TTLL5: variants seen among roughly 807,000 people sequenced by gnomAD.
The protein encoded by TTLL5 is tubulin polyglutamylase TTLL5.
A neutral mutation model predicts 168.4 loss-of-function variants in TTLL5; 132 were observed. The ratio of observed to expected loss-of-function variants is 0.78; its 90% CI spans 0.68 to 0.91. The LOEUF (loss-of-function observed/expected upper bound fraction) is 0.91, where lower values mean the gene tolerates loss of function less well. Among genes scored for constraint, TTLL5 ranks in the 40% least tolerant of loss-of-function variants. TTLL5 has a pLI of 0.00. For synonymous variants in TTLL5, 546 were observed against 558.6 expected (o/e 0.98, Z 0.32); for missense variants, 1,545 against 1,581.5 (o/e 0.98, Z 0.39).
intron 28 of TTLL5, among the ~76,000 whole-genome samples, chr14:75,821,578 T>A (rs1323251902): frequency 6.6e-6 from 1 of 152,178 alleles, no homozygotes; most frequent in East Asian, 1.9e-4. Flanking sequence ...TTTGGAGAAA[T>A]TGAGTTTTAG....
rs191781012 is a variant in TTLL5 at position 75,783,989 on chromosome 14, C to T, written c.2986+459C>T. The stretch of plus-strand genomic sequence containing the variant: ...ATAGACCTATAGTGTCAAGTTTGTC[C>T]TCCATTTTTTAATAACAGCTTTATT... On this transcript the variant is annotated intron_variant, in intron 26 of 31. Coordinates refer to ENST00000298832, the MANE Select transcript of TTLL5 (RefSeq NM_015072.5). Among the ~76,000 whole-genome samples the T allele has an allele frequency of 2.6e-4, 40 of 152,212 alleles. No homozygotes were observed. In the East Asian group the frequency reaches 7.7e-3, roughly 29 times the overall value.
intron 30 of TTLL5, among the ~76,000 whole-genome samples, chr14:75,883,673 T>A (rs143095013): frequency 1.7e-3 from 252 of 152,380 alleles, no homozygotes; most frequent in Middle Eastern, 3.4e-3. Context: ...AATCAAATTC[T>A]GGATTTAGAT....
At chr14:75,900,184 GATTT>G (rs1462274970) in intron 30 of TTLL5, among the ~76,000 whole-genome samples, 22 of 152,148 alleles carry the variant, frequency 1.4e-4, no homozygotes, top group African/African-American at 4.1e-4. Context: ...AATGCGTGAG[GATTT>G]CCGATGTGGC....
At position 75,745,086 on chromosome 14, in the gene TTLL5, TCTC is replaced by T; in HGVS notation, c.1282-6_1282-4del. ...ATTTTTTTTACTATTTTCATTTTCT[TCTC>T]CTTAGCGTTGCCGTCCACTCTCTGC... On this transcript the variant is annotated splice_polypyrimidine_tract_variant and splice_region_variant and intron_variant, in intron 15 of 31. Coordinates refer to ENST00000298832, the MANE Select transcript of TTLL5 (RefSeq NM_015072.5). The T allele has an allele frequency of 1.2e-6, 2 of 1,612,204 alleles. No homozygotes were observed. The highest frequency in any genetic ancestry group is 8.5e-7 in the Non-Finnish European group (1 of 1,179,248).
intron 3 of TTLL5, among the ~76,000 whole-genome samples, chr14:75,673,446 G>A (rs553451810): frequency 6.6e-6 from 1 of 152,300 alleles, no homozygotes; most frequent in South Asian, 2.1e-4. Flanking sequence ...TGGTATGGTG[G>A]AAAGAGTGTA....
At chr14:75,941,606 A>T (rs2034607842) in intron 31 of TTLL5, 1 of 152,162 alleles carries the variant, frequency 6.6e-6, no homozygotes, top group East Asian at 1.9e-4. Context: ...TGTTCATAAC[A>T]TTTGAGGTTT....
chr14:75,874,314 G>A (rs2031283172), intron 29 of TTLL5, among the ~76,000 whole-genome samples: 1 of 152,076 alleles, frequency 6.6e-6, no homozygotes, highest in African/African-American at 2.4e-5. Context: ...GGATGGTCTC[G>A]ATTTCCTGAC....
chr14:75,663,279 C>G (rs1594830542), intron 2 of TTLL5, 56 bp downstream of exon 2: 1 of 1,442,720 alleles, frequency 6.9e-7, no homozygotes, highest in Non-Finnish European at 9.6e-7. Context: ...CACTTATATA[C>G]TCTTATATAC....
At chr14:75,783,045 C>T in intron 25 of TTLL5, 102 bp from the exon 26 acceptor site, 5 of 1,253,556 alleles carry the variant, frequency 4.0e-6, no homozygotes, top group Non-Finnish European at 5.4e-6. Context: ...CTGTTTCATG[C>T]CAAGATTATT....
At chr14:75,867,966 T>C (rs893946704) in intron 29 of TTLL5, among the ~76,000 whole-genome samples, 12 of 152,184 alleles carry the variant, frequency 7.9e-5, no homozygotes, top group Admixed American at 7.9e-4. Context: ...GGGGACTTTC[T>C]TGGGTAACAG....
At chr14:75,790,659 C>G (rs1236243146) in intron 26 of TTLL5, among the ~76,000 whole-genome samples, 1 of 151,590 alleles carries the variant, frequency 6.6e-6, no homozygotes, top group Non-Finnish European at 1.5e-5. Flanking sequence ...GAGAAGAGAT[C>G]TCACTTTGTT....
chr14:75,794,642 G>T (rs549186955), intron 27 of TTLL5, among the ~76,000 whole-genome samples: 1 of 152,098 alleles, frequency 6.6e-6, no homozygotes, highest in Non-Finnish European at 1.5e-5. Flanking sequence ...CAGTGCCAGC[G>T]AATTAAAAGT....
intron 31 of TTLL5, among the ~76,000 whole-genome samples, chr14:75,938,168 T>G (rs1362978083): frequency 6.6e-6 from 1 of 152,232 alleles, no homozygotes; most frequent in Non-Finnish European, 1.5e-5. Flanking sequence ...GACAATACTG[T>G]TAGAATTTTC....
chr14:75,833,152 C>T (rs900852828), intron 28 of TTLL5, among the ~76,000 whole-genome samples: 1 of 152,196 alleles, frequency 6.6e-6, no homozygotes, highest in Non-Finnish European at 1.5e-5. Context: ...TCTCCCTGTG[C>T]TTATTTTTCT....
At chr14:75,817,021 G>T (rs1036187919) in intron 27 of TTLL5, among the ~76,000 whole-genome samples, 7 of 121,436 alleles carry the variant, frequency 5.8e-5, no homozygotes, top group Non-Finnish European at 9.5e-5. Context: ...TCGCTCTGTC[G>T]CCAGGCTGGA....
At chr14:75,819,108 G>C (rs1167185826) in intron 27 of TTLL5, among the ~76,000 whole-genome samples, 1 of 152,116 alleles carries the variant, frequency 6.6e-6, no homozygotes, top group Non-Finnish European at 1.5e-5. Flanking sequence ...TGTGTGCGAC[G>C]TACTCATTTA....
At chr14:75,860,324 A>G (rs1460562233) in intron 28 of TTLL5, among the ~76,000 whole-genome samples, 1 of 152,236 alleles carries the variant, frequency 6.6e-6, no homozygotes, top group African/African-American at 2.4e-5. Flanking sequence ...TTTCTGATAC[A>G]CAAGAAGGCA....
chr14:75,884,460 T>G (rs773707405), intron 30 of TTLL5, among the ~76,000 whole-genome samples: 16 of 152,218 alleles, frequency 1.1e-4, no homozygotes, highest in Non-Finnish European at 2.4e-4. Flanking sequence ...GAGATGGAAT[T>G]GCAGCTCTTT....
chr14:75,724,152 G>A (rs1888031533), intron 12 of TTLL5, among the ~76,000 whole-genome samples: 1 of 152,062 alleles, frequency 6.6e-6, no homozygotes. Flanking sequence ...TCTTTTGGTG[G>A]TTGTTCCTGT....
Sources: allele counts gnomAD v4.1 joint callset (sites outside exome capture counted in the v4.1 genomes callset), GRCh38; gene constraint gnomAD v4.1.1; transcripts MANE v1.5; gene names NCBI Gene and HGNC (gene_info 2026-07-23, HGNC 2026-07-21).